BMPR2: variants seen among roughly 807,000 people sequenced by gnomAD.
BMPR2 encodes bone morphogenetic protein receptor type 2.
Under a neutral mutation model 100.8 loss-of-function variants are expected in BMPR2, and 29 were observed. That is an observed-to-expected ratio of 0.29 (90% confidence interval 0.21 to 0.39). The LOEUF is 0.39. Ranked by LOEUF, BMPR2 falls within the 10% of genes least tolerant of loss-of-function variation. The probability of loss-of-function intolerance (pLI) is 1.00; values close to 1 mark genes in which losing one functional copy is unlikely to be tolerated. For missense variants in BMPR2, 1,011 were observed against 1,274.5 expected, an observed-to-expected ratio of 0.79 and a Z score of 3.15; for synonymous variants, 382 against 442.3, an observed-to-expected ratio of 0.86 and a Z score of 1.71.
At chr2:202,425,480 T>A (rs1191789233) in intron 1 of BMPR2, among the ~76,000 whole-genome samples, 2 of 152,228 alleles carry the variant, frequency 1.3e-5, no homozygotes, top group African/African-American at 2.4e-5. Context: ...TATGTTATAA[T>A]CTGTTTACAC....
intron 3 of BMPR2, among the ~76,000 whole-genome samples, chr2:202,470,770 CAAA>C (rs35813080): frequency 9.2e-5 from 6 of 65,488 alleles, no homozygotes; most frequent in Non-Finnish European, 9.2e-5. Flanking sequence ...GACTCCGTCT[CAAA>C]AAAAAAAAAA....
chr2:202,422,645 T>C (rs1392568937), intron 1 of BMPR2, among the ~76,000 whole-genome samples: 1 of 151,664 alleles, frequency 6.6e-6, no homozygotes, highest in Non-Finnish European at 1.5e-5. Flanking sequence ...TGTCTGATCT[T>C]CAGTGAAGTT....
chr2:202,504,131 G>A lies in BMPR2; in HGVS notation c.419-9588G>A, dbSNP rs886524509. ...AGCGCCCTGTCAAAACAGACCACTC[G>A]GCTCTACCAATCAGCAGGACGTGGG... On this transcript the variant is annotated intron_variant, in intron 3 of 12. Coordinates refer to ENST00000374580, the MANE Select transcript of BMPR2 (RefSeq NM_001204.7). 8.9e-4 allele frequency among the ~76,000 whole-genome samples: 136 copies of A among 152,142 alleles called. 1 individual carries two copies. The highest frequency in any genetic ancestry group is 3.1e-3 in the African/African-American group (127 of 41,498).
chr2:202,407,498 C>T lies in BMPR2; in HGVS notation c.76+29948C>T, dbSNP rs12476442. 3.7e-3 allele frequency among the ~76,000 whole-genome samples: 556 copies of T among 150,096 alleles called. 3 individuals carry two copies. The highest frequency in any genetic ancestry group is 0.027 in the Admixed American group (405 of 15,034). ...CTTAATAATACTGTATTTGGCTGGGCGTGGTCGCTCACGCCTGTAATCCCA... is the reference window on the plus strand; with the variant it reads ...CTTAATAATACTGTATTTGGCTGGGTGTGGTCGCTCACGCCTGTAATCCCA... On this transcript the variant is annotated intron_variant, in intron 1 of 12. Transcript: ENST00000374580.
intron 9 of BMPR2, among the ~76,000 whole-genome samples, chr2:202,534,563 G>C (rs536398926): frequency 6.6e-6 from 1 of 152,172 alleles, no homozygotes; most frequent in Non-Finnish European, 1.5e-5. Flanking sequence ...GTTTCAGAGA[G>C]CACAGGGTTG....
chr2:202,517,662 T>A (rs1378869721), intron 5 of BMPR2, among the ~76,000 whole-genome samples: 1 of 151,546 alleles, frequency 6.6e-6, no homozygotes, highest in African/African-American at 2.4e-5. Flanking sequence ...AGTTATTTTA[T>A]CTTTAGCTGG....
At chr2:202,509,997 CAT>C in intron 3 of BMPR2, among the ~76,000 whole-genome samples, 1 of 152,108 alleles carries the variant, frequency 6.6e-6, no homozygotes, top group East Asian at 1.9e-4. Context: ...TTTATTAACT[CAT>C]ATTTACTTGA....
intron 3 of BMPR2, among the ~76,000 whole-genome samples, chr2:202,468,766 A>G (rs1692374457): frequency 1.3e-5 from 2 of 152,202 alleles, no homozygotes. Context: ...TAAGATCTCT[A>G]TGAACTAGCA....
chr2:202,558,602 G>A (rs1180229889), intron 12 of BMPR2, among the ~76,000 whole-genome samples: 3 of 152,020 alleles, frequency 2.0e-5, no homozygotes, highest in Non-Finnish European at 2.9e-5. Flanking sequence ...GTAAGACATC[G>A]TGTCAGATAG....
chr2:202,520,456 T>G, intron 7 of BMPR2: 1 of 517,140 alleles, frequency 1.9e-6, no homozygotes, highest in Non-Finnish European at 3.5e-6. Flanking sequence ...CTGGAGGCTA[T>G]CATGACCCAG....
At chr2:202,533,253 A>G (rs75747031) in intron 9 of BMPR2, among the ~76,000 whole-genome samples, 6,470 of 149,346 alleles carry the variant, frequency 0.043, 182 homozygotes, top group Middle Eastern at 0.12. Context: ...CTTCCTTTCA[A>G]TGAAAGAATA....
intron 1 of BMPR2, among the ~76,000 whole-genome samples, chr2:202,448,277 G>A (rs1388416632): frequency 6.6e-6 from 1 of 150,508 alleles, no homozygotes; most frequent in Non-Finnish European, 1.5e-5. Flanking sequence ...GTGAAACCCC[G>A]TCTCTTCTAC....
intron 1 of BMPR2, among the ~76,000 whole-genome samples, chr2:202,420,490 A>G (rs1440744342): frequency 6.6e-6 from 1 of 150,580 alleles, no homozygotes; most frequent in Non-Finnish European, 1.5e-5. Flanking sequence ...ATGCGTTTAT[A>G]ACCCTATACG....
intron 6 of BMPR2, among the ~76,000 whole-genome samples, 155 bp from the exon 7 acceptor site, chr2:202,519,932 C>A (rs1687790490): frequency 6.6e-6 from 1 of 152,104 alleles, no homozygotes; most frequent in African/African-American, 2.4e-5. Context: ...AAATGTCATA[C>A]TAACTCTTTC....
chr2:202,413,434 C>T (rs1030918718), intron 1 of BMPR2, among the ~76,000 whole-genome samples: 3 of 152,158 alleles, frequency 2.0e-5, no homozygotes, highest in African/African-American at 7.2e-5. Context: ...TTTAAACAAT[C>T]ACACGCACAC....
intron 1 of BMPR2, among the ~76,000 whole-genome samples, chr2:202,388,244 A>G (rs537188740): frequency 6.6e-6 from 1 of 151,808 alleles, no homozygotes; most frequent in African/African-American, 2.4e-5. Context: ...TGAAAATACA[A>G]AAATTAGCTG....
In BMPR2 at chr2:202,392,404, C is replaced by T. The variant is rs145875299; in HGVS notation, c.76+14854C>T. Among the ~76,000 whole-genome samples the T allele has an allele frequency of 2.6e-5, 4 of 152,258 alleles. No individual in the cohort carries two copies. The East Asian group carries it at 7.7e-4, about 29-fold the overall frequency. On this transcript the variant is annotated intron_variant, in intron 1 of 12. Coordinates refer to ENST00000374580, the MANE Select transcript of BMPR2 (RefSeq NM_001204.7). The stretch of plus-strand genomic sequence containing the variant: ...ACTCTTAACTGCTGGACTGTACTGT[C>T]TCTTACATAGTCAAGTTGTCTTCTC...
chr2:202,484,435 G>A (rs1365340079), intron 3 of BMPR2, among the ~76,000 whole-genome samples: 5 of 151,320 alleles, frequency 3.3e-5, no homozygotes, highest in African/African-American at 7.3e-5. Context: ...AGCACTTTGG[G>A]AGGCCGAGGC....
chr2:202,388,421 C>T (rs4032752), intron 1 of BMPR2, among the ~76,000 whole-genome samples: 1 of 93,892 alleles, frequency 1.1e-5, no homozygotes, highest in Non-Finnish European at 2.1e-5. Flanking sequence ...AAAAAAAAAA[C>T]ATTGTTTGTC....
Sources: gnomAD v4.1 joint callset for allele counts (sites outside exome capture counted in the v4.1 genomes callset) on GRCh38, gnomAD v4.1.1 for gene constraint, MANE v1.5 for transcripts, NCBI Gene and HGNC (gene_info 2026-07-23, HGNC 2026-07-21) for gene names.